TTC6: variants seen among roughly 807,000 people sequenced by gnomAD.
TTC6 encodes the protein tetratricopeptide repeat domain 6.
Under a neutral mutation model 210.4 loss-of-function variants are expected in TTC6, and 172 were observed. That is an observed-to-expected ratio of 0.82 (90% CI 0.72 to 0.93). The LOEUF is 0.93. TTC6 is among the 40% of genes least tolerant of loss of function. TTC6 has a pLI of 0.00. For missense variants in TTC6, 2,414 were observed against 2,318.1 expected (o/e 1.04, Z -0.85); for synonymous variants, 804 against 819.6 (o/e 0.98, Z 0.32).
At chr14:37,668,133 T>A (rs554502089) in intron 1 of TTC6, among the ~76,000 whole-genome samples, 8 of 142,908 alleles carry the variant, frequency 5.6e-5, no homozygotes, top group African/African-American at 2.0e-4. Flanking sequence ...AGACTTCATC[T>A]AAAAAAAAAA....
chr14:37,622,317 T>G (rs2095652513), exon 1 of TTC6: 2 of 1,533,592 alleles, frequency 1.3e-6, no homozygotes, highest in South Asian at 1.2e-5. Flanking sequence ...CCCTGCGATG[T>G]CCGCGGCCGC....
At chr14:37,749,003 C>A in exon 11 of TTC6, 1 of 1,534,938 alleles carries the variant, frequency 6.5e-7, no homozygotes. Context: ...ATTATATGAA[C>A]GTCAAATACG....
intron 15 of TTC6, among the ~76,000 whole-genome samples, chr14:37,790,283 C>A (rs2096076559): frequency 6.6e-6 from 1 of 152,034 alleles, no homozygotes; most frequent in Admixed American, 6.6e-5. Flanking sequence ...CAAGCCTGTT[C>A]CTTGGCCAGT....
chr14:37,679,529 A>AT (rs1334947254), intron 1 of TTC6, among the ~76,000 whole-genome samples: 1 of 151,918 alleles, frequency 6.6e-6, no homozygotes, highest in Non-Finnish European at 1.5e-5. Flanking sequence ...TTTAGTTTTG[A>AT]TTTTATCTTT....
At chr14:37,737,072 T>A (rs187532075) in intron 8 of TTC6, among the ~76,000 whole-genome samples, 39 of 152,278 alleles carry the variant, frequency 2.6e-4, no homozygotes, top group South Asian at 2.5e-3. Flanking sequence ...TGTTTCTTTA[T>A]TGCTGTTTGC....
chr14:37,805,438 C>CACACACACAT (rs1388265418), intron 21 of TTC6, among the ~76,000 whole-genome samples: 3 of 151,766 alleles, frequency 2.0e-5, no homozygotes, highest in Admixed American at 6.6e-5. Context: ...CACACACACA[C>CACACACACAT]ACACACACAC....
chr14:37,791,042 T>G (rs1204290695), intron 16 of TTC6, among the ~76,000 whole-genome samples: 1 of 152,190 alleles, frequency 6.6e-6, no homozygotes, highest in Non-Finnish European at 1.5e-5. Context: ...TTGCCTTGGG[T>G]GTTTTTGCAA....
intron 6 of TTC6, among the ~76,000 whole-genome samples, chr14:37,721,498 C>G (rs568761819): frequency 1.6e-4 from 25 of 152,150 alleles, no homozygotes; most frequent in African/African-American, 3.9e-4. Context: ...TTCAGTGTCA[C>G]AAATACACTC....
At chr14:37,619,086 A>AT (rs1185156237), upstream of TTC6, among the ~76,000 whole-genome samples, 1 of 152,214 alleles carries the variant, frequency 6.6e-6, no homozygotes, top group Non-Finnish European at 1.5e-5. Context: ...ATTATACAGC[A>AT]TTTTTTAAAG....
rs542963407 is a variant in TTC6 at position 37,762,127 on chromosome 14, C to T, written c.3266+8892C>T. ...TAACATAATGTCTTCCAAGTTAATTCGTATTGTTGTAAGTGGTGGGATTTC... is the reference window on the plus strand; with the variant it reads ...TAACATAATGTCTTCCAAGTTAATTTGTATTGTTGTAAGTGGTGGGATTTC... On this transcript the variant is annotated intron_variant, in intron 14 of 30. Transcript: ENST00000553443. 7.6e-4 allele frequency among the ~76,000 whole-genome samples: 116 copies of T among 152,172 alleles called. 1 individual carries two copies. The highest frequency in any genetic ancestry group is 2.5e-3 in the African/African-American group (102 of 41,534).
At chr14:37,782,567 C>G (rs1385115325) in intron 14 of TTC6, among the ~76,000 whole-genome samples, 7 of 151,792 alleles carry the variant, frequency 4.6e-5, no homozygotes, top group African/African-American at 1.7e-4. Context: ...ATCATGTCAT[C>G]TGCAAACAGG....
intron 10 of TTC6, among the ~76,000 whole-genome samples, chr14:37,747,557 G>A (rs958691573): frequency 1.6e-4 from 25 of 152,144 alleles, no homozygotes; most frequent in African/African-American, 5.8e-4. Context: ...AGGATCCTAG[G>A]TAGTTTGAGG....
At chr14:37,808,976 G>A in intron 24 of TTC6, 130 bp downstream of exon 26, 1 of 463,400 alleles carries the variant, frequency 2.2e-6, no homozygotes, top group Non-Finnish European at 3.9e-6. Flanking sequence ...ACTCATTTAA[G>A]GCATTTATAA....
chr14:37,643,344 A>G (rs1756956968), intron 1 of TTC6, among the ~76,000 whole-genome samples: 2 of 152,024 alleles, frequency 1.3e-5, no homozygotes, highest in South Asian at 4.1e-4. Flanking sequence ...CCAAAATAAA[A>G]CAAAAACAAA....
rs142566970 is a variant in TTC6, at chr14:37,792,841, T to C, written c.3708+427T>C. Reference sequence around the variant, plus strand: ...GTGTACAGGTGAGTAAGTAGGTTCATACAATGGGATCCAACCATAGAATGG... The same window carrying C: ...GTGTACAGGTGAGTAAGTAGGTTCACACAATGGGATCCAACCATAGAATGG... On this transcript the variant is annotated intron_variant, in intron 17 of 30. Transcript: ENST00000553443. Among the ~76,000 whole-genome samples, 662 of 148,860 alleles carry C rather than the reference T, an allele frequency of 4.4e-3. 5 individuals are homozygous for C. Among genetic ancestry groups the C allele is most frequent in the Non-Finnish European group, 7.7e-3 (517 of 67,012 alleles).
At chr14:37,609,875 TTAGAG>T (rs2095631388) in intron 2 of TTC6, among the ~76,000 whole-genome samples, 1 of 152,162 alleles carries the variant, frequency 6.6e-6, no homozygotes, top group East Asian at 1.9e-4. Context: ...ACTCCTACAC[TTAGAG>T]TAAAGCTGCC....
chr14:37,676,465 A>G (rs949708510), intron 1 of TTC6, among the ~76,000 whole-genome samples: 1 of 151,960 alleles, frequency 6.6e-6, no homozygotes, highest in African/African-American at 2.4e-5. Context: ...CTAATACTAG[A>G]CCCTTGTCAG....
intron 1 of TTC6, among the ~76,000 whole-genome samples, chr14:37,667,333 C>A (rs1390135344): frequency 6.6e-6 from 1 of 150,400 alleles, no homozygotes; most frequent in Non-Finnish European, 1.5e-5. Context: ...CCCTGCCCAG[C>A]ACATTAATAC....
At position 37,682,755 on chromosome 14, in the gene TTC6, CAG is replaced by C; in HGVS notation, c.1051_1052del. The C allele has an allele frequency of 6.5e-7, 1 of 1,534,596 alleles. No homozygotes were observed. Among genetic ancestry groups the C allele is most frequent in the Non-Finnish European group, 8.7e-7 (1 of 1,146,172 alleles). On this transcript the variant is annotated splice_acceptor_variant, in intron 2 of 30. Coordinates refer to ENST00000553443, the Ensembl canonical transcript of TTC6. LOFTEE classifies it high-confidence loss of function. ...ATTCTTGCACATTTACTTTTTCCAA[CAG>C]AGCGTGCATAAGGAACTTTCTGAAA...
Sources: allele counts gnomAD v4.1 joint callset (sites outside exome capture counted in the v4.1 genomes callset), GRCh38; gene constraint gnomAD v4.1.1; transcripts MANE v1.5; gene names NCBI Gene and HGNC (gene_info 2026-07-23, HGNC 2026-07-21).